Variants in LRRIQ1 observed in about 807,000 individuals in gnomAD.
LRRIQ1 encodes leucine rich repeats and IQ motif containing 1.
A neutral mutation model predicts 211.9 loss-of-function variants in LRRIQ1; 210 were observed. That is an observed-to-expected ratio of 0.99 (90% CI 0.89 to 1.11). The LOEUF (loss-of-function observed/expected upper bound fraction) is 1.11, where lower values mean the gene tolerates loss of function less well. Ranked by LOEUF, LRRIQ1 falls within the 50% of genes most tolerant of loss-of-function variation. LRRIQ1 has a pLI of 0.00. For missense variants in LRRIQ1, 2,136 were observed against 1,939.5 expected (o/e 1.10, Z -1.90); for synonymous variants, 699 against 650.1 (o/e 1.08, Z -1.14).
intron 24 of LRRIQ1, among the ~76,000 whole-genome samples, chr12:85,165,277 C>G (rs897940827): frequency 5.9e-5 from 9 of 151,842 alleles, no homozygotes; most frequent in African/African-American, 2.2e-4. Context: ...CGTTTTTCAG[C>G]CCCTGGTTTC....
intron 10 of LRRIQ1, among the ~76,000 whole-genome samples, chr12:85,069,388 C>T (rs1225888342): frequency 2.0e-5 from 3 of 151,966 alleles, no homozygotes; most frequent in South Asian, 4.1e-4. Context: ...GTGAATAGTG[C>T]CGCAATAAAC....
chr12:85,242,905 A>G lies in LRRIQ1; in HGVS notation c.5017-1884A>G, dbSNP rs114503070. On this transcript the variant is annotated intron_variant, in intron 26 of 26. Transcript: ENST00000393217. ...TGGAAAAAATCATCTTTGGATGTTA[A>G]TTACTTAGATGATAATAAATTTTTT... Among the ~76,000 whole-genome samples the G allele has an allele frequency of 6.7e-3, 1,017 of 151,956 alleles. 7 individuals carry two copies. Among genetic ancestry groups the G allele is most frequent in the African/African-American group, 0.023 (970 of 41,514 alleles).
At chr12:85,172,913 C>T (rs1246179395) in intron 24 of LRRIQ1, among the ~76,000 whole-genome samples, 2 of 151,708 alleles carry the variant, frequency 1.3e-5, no homozygotes, top group African/African-American at 4.8e-5. Flanking sequence ...TCGAGACCAT[C>T]CTGGTGAACA....
At chr12:85,058,986 T>A (rs1881466299) in intron 8 of LRRIQ1, among the ~76,000 whole-genome samples, 1 of 152,032 alleles carries the variant, frequency 6.6e-6, no homozygotes, top group African/African-American at 2.4e-5. Context: ...GAATGTGCCA[T>A]ATAGATGCTA....
chr12:85,069,805 G>A (rs1882874611), intron 10 of LRRIQ1, among the ~76,000 whole-genome samples: 1 of 151,806 alleles, frequency 6.6e-6, no homozygotes, highest in Admixed American at 6.6e-5. Flanking sequence ...TTTCTTGTGA[G>A]TTTGTTGGAG....
At position 85,056,454 on chromosome 12, in the gene LRRIQ1, A is replaced by G. The variant is rs1473020324; in HGVS notation, c.1661A>G (p.Gln554Arg). The G allele has an allele frequency of 1.2e-6, 2 of 1,602,862 alleles. No individual in the cohort carries two copies. The highest frequency in any genetic ancestry group is 1.1e-5 in the South Asian group (1 of 87,590). ...VINENTGQKT[Q>R]IILGHNQEIS... ...AATGAGAATACAGGACAAAAAACCC[A>G]GATAATATTAGGACATAACCAAGAA... is the stretch of plus-strand genomic sequence containing the variant. Residue 554 changes from glutamine (Q) to arginine (R), a missense_variant, in exon 8 of 27, where the codon CAG becomes CGG. Transcript: ENST00000393217.
chr12:85,084,933 A>G (rs1287501125), intron 11 of LRRIQ1, among the ~76,000 whole-genome samples: 1 of 152,132 alleles, frequency 6.6e-6, no homozygotes, highest in Non-Finnish European at 1.5e-5. Flanking sequence ...CTCAAAAAAA[A>G]AAAAAAGAAG....
chr12:85,182,007 A>T (rs1010847263), intron 24 of LRRIQ1, among the ~76,000 whole-genome samples: 3 of 152,012 alleles, frequency 2.0e-5, no homozygotes, highest in Non-Finnish European at 2.9e-5. Flanking sequence ...CTATTGTTAT[A>T]TGTGTCAGTA....
chr12:85,233,037 A>C (rs1895020818), intron 26 of LRRIQ1: 1 of 316,224 alleles, frequency 3.2e-6, no homozygotes, highest in Admixed American at 4.9e-5. Context: ...GAAAATTGAA[A>C]CTTTTTTCTT....
chr12:85,055,718 G>A lies in LRRIQ1; in HGVS notation c.925G>A (p.Glu309Lys), dbSNP rs779971327. The stretch of plus-strand genomic sequence containing the variant: ...TCAAAAATATGGCCCAATTATTAAA[G>A]AGCAAATTGAAAGTAAGAAAAGGAA... ...AYQKYGPIIK[E>K]QIESKKRKAQ... Residue 309 changes from glutamate (E) to lysine (K), a missense_variant, in exon 8 of 27, where the codon GAG (glutamate) becomes AAG (lysine). Glu to Lys is a moderately conservative substitution (Grantham distance 56, BLOSUM62 1). Transcript: ENST00000393217. 4 of 1,606,978 alleles carry A rather than the reference G, an allele frequency of 2.5e-6. No homozygotes were observed. The highest frequency in any genetic ancestry group is 3.4e-6 in the Non-Finnish European group (4 of 1,177,890).
intron 6 of LRRIQ1, among the ~76,000 whole-genome samples, chr12:85,050,490 G>C (rs1880175783): frequency 6.6e-6 from 1 of 151,966 alleles, no homozygotes; most frequent in Non-Finnish European, 1.5e-5. Context: ...GTTCTTCCCT[G>C]GAATTCTTAA....
At chr12:85,145,996 G>T (rs1276284159) in intron 19 of LRRIQ1, among the ~76,000 whole-genome samples, 2 of 151,592 alleles carry the variant, frequency 1.3e-5, no homozygotes, top group Non-Finnish European at 3.0e-5. Flanking sequence ...AATCTGACAG[G>T]GGCTGGGACA....
chr12:85,265,245 C>T (rs1896396193), downstream of LRRIQ1, among the ~76,000 whole-genome samples: 1 of 151,966 alleles, frequency 6.6e-6, no homozygotes, highest in South Asian at 2.1e-4. Context: ...GAAAGAGAAA[C>T]ATAGTGATGT....
At position 85,065,251 on chromosome 12, in the gene LRRIQ1, G is replaced by T; in HGVS notation, c.2392-11G>T. On this transcript the variant is annotated splice_polypyrimidine_tract_variant and intron_variant, in intron 8 of 26. Coordinates refer to ENST00000393217, the MANE Select transcript of LRRIQ1 (RefSeq NM_001079910.2). ...TAACACTACACACTCCAATTTTCTT[G>T]GTTCCTCTAGGTTACAACAGTTACA... The T allele has an allele frequency of 2.5e-6, 4 of 1,594,784 alleles. No individual in the cohort carries two copies. Among genetic ancestry groups the T allele is most frequent in the Non-Finnish European group, 3.4e-6 (4 of 1,170,810 alleles).
At chr12:85,086,614 CT>C (rs71309514) in intron 11 of LRRIQ1, among the ~76,000 whole-genome samples, 35,776 of 147,538 alleles carry the variant, frequency 0.24, 4,791 homozygotes, top group African/African-American at 0.35. Context: ...TATTTCTTTT[CT>C]TTTTTTTTTT....
chr12:85,097,441 A>G (rs1341596608), intron 11 of LRRIQ1, among the ~76,000 whole-genome samples: 1 of 139,912 alleles, frequency 7.1e-6, no homozygotes, highest in Non-Finnish European at 1.5e-5. Context: ...CCAGTGTGTG[A>G]TGTTCCCCCC....
chr12:85,156,640 A>C (rs997181187), intron 23 of LRRIQ1, among the ~76,000 whole-genome samples: 1 of 151,876 alleles, frequency 6.6e-6, no homozygotes, highest in Non-Finnish European at 1.5e-5. Context: ...AATGAGTTAA[A>C]ACAATGTTTT....
At chr12:85,111,674 C>T (rs954652507) in intron 15 of LRRIQ1, among the ~76,000 whole-genome samples, 3 of 152,028 alleles carry the variant, frequency 2.0e-5, no homozygotes, top group Non-Finnish European at 4.4e-5. Flanking sequence ...TGGTAGATTA[C>T]ATGTTTAGTT....
At chr12:85,110,177 C>G (rs1475841984) in intron 15 of LRRIQ1, among the ~76,000 whole-genome samples, 9 of 152,008 alleles carry the variant, frequency 5.9e-5, no homozygotes, top group Non-Finnish European at 1.0e-4. Context: ...TTATGAACTC[C>G]TCCTGTATGC....
Sources: gnomAD v4.1 joint callset for allele counts (sites outside exome capture counted in the v4.1 genomes callset) on GRCh38, gnomAD v4.1.1 for gene constraint, MANE v1.5 for transcripts, NCBI Gene and HGNC (gene_info 2026-07-23, HGNC 2026-07-21) for gene names.